MORC3: variants seen among roughly 807,000 people sequenced by gnomAD.
MORC3 encodes the protein MORC family CW-type zinc finger 3.
In MORC3, 31 loss-of-function variants were observed where a neutral mutation model predicts 109.1. That is an observed-to-expected ratio of 0.28 (90% CI 0.21 to 0.38). The LOEUF is 0.38. Ranked by LOEUF, MORC3 falls within the 10% of genes least tolerant of loss-of-function variation. MORC3 has a pLI of 1.00. For synonymous variants in MORC3, 395 were observed against 380.7 expected (o/e 1.04, Z -0.44); for missense variants, 867 against 1,135.8 (o/e 0.76, Z 3.40).
chr21:36,322,679 T>A (rs1347574930), intron 1 of MORC3, among the ~76,000 whole-genome samples: 1 of 152,204 alleles, frequency 6.6e-6, no homozygotes, highest in African/African-American at 2.4e-5. Flanking sequence ...GCCCAATGTA[T>A]ACACATTTTA....
At chr21:36,345,565 G>A (rs1026861831) in intron 8 of MORC3, among the ~76,000 whole-genome samples, 8 of 152,082 alleles carry the variant, frequency 5.3e-5, no homozygotes, top group Admixed American at 5.2e-4. Context: ...GGGACTACAG[G>A]CACGTGCCGC....
At chr21:36,335,054 A>T (rs2085359850) in intron 2 of MORC3, among the ~76,000 whole-genome samples, 2 of 152,240 alleles carry the variant, frequency 1.3e-5, no homozygotes, top group South Asian at 4.1e-4. Flanking sequence ...CACTCGAGCC[A>T]GGGAAGTCAA....
intron 4 of MORC3, 132 bp downstream of exon 4, chr21:36,338,078 G>T: frequency 1.1e-6 from 1 of 871,540 alleles, no homozygotes; most frequent in East Asian, 2.7e-5. Context: ...TCTGTCCTCT[G>T]CATTTACCCT....
At chr21:36,343,314 C>T (rs1245829172) in intron 6 of MORC3, among the ~76,000 whole-genome samples, 11 of 152,008 alleles carry the variant, frequency 7.2e-5, no homozygotes, top group African/African-American at 2.4e-4. Flanking sequence ...AGACTGGTCT[C>T]GAACTCCCGA....
At chr21:36,322,534 G>C (rs1348794451) in intron 1 of MORC3, among the ~76,000 whole-genome samples, 1 of 152,040 alleles carries the variant, frequency 6.6e-6, no homozygotes, top group Non-Finnish European at 1.5e-5. Flanking sequence ...ACCACACCCG[G>C]CTAATTTTGG....
chr21:36,344,551 ACTAACTTCTT>A lies in MORC3; in HGVS notation c.757-27_757-18del. On this transcript the variant is annotated intron_variant, in intron 6 of 16. Transcript: ENST00000400485. ...AGTAATGGTGAGCAAACCTGTAGATACTAACTTCTTGTTATGTTATTTTCCAGGCTTATTG... is the reference window on the plus strand; with the variant it reads ...AGTAATGGTGAGCAAACCTGTAGATAGTTATGTTATTTTCCAGGCTTATTG... 6.2e-7 allele frequency: 1 copy of A among 1,607,538 alleles called. No homozygotes were observed. The highest frequency in any genetic ancestry group is 1.3e-5 in the African/African-American group (1 of 74,870).
At position 36,362,198 on chromosome 21, in the gene MORC3, C is replaced by T; in HGVS notation, c.1422C>T (p.Phe474=). The part of the protein sequence containing the change: ...KTYKKTNKEK[F]RIRQPEMIPR... ...TATTTTAAAGCAACAAGGAAAAATT[C>T]AGGATCAGACAACCGGAAATGATCC... Residue 474 remains phenylalanine (F), a synonymous_variant, in exon 13 of 17, where the codon TTC becomes TTT. Coordinates refer to ENST00000400485, the MANE Select transcript of MORC3 (RefSeq NM_015358.3). 4 of 1,610,252 alleles carry T rather than the reference C, an allele frequency of 2.5e-6. No individual in the cohort carries two copies. Among genetic ancestry groups the T allele is most frequent in the Non-Finnish European group, 3.4e-6 (4 of 1,178,736 alleles).
At chr21:36,357,556 T>G (rs2085658565) in intron 10 of MORC3, among the ~76,000 whole-genome samples, 2 of 151,218 alleles carry the variant, frequency 1.3e-5, no homozygotes, top group South Asian at 4.2e-4. Context: ...AGCTTGTATT[T>G]TTTTAATGTG....
intron 6 of MORC3, among the ~76,000 whole-genome samples, chr21:36,343,032 TAAAA>T (rs1277748715): frequency 6.6e-6 from 1 of 150,858 alleles, no homozygotes; most frequent in African/African-American, 2.4e-5. Flanking sequence ...AAAATAAAAA[TAAAA>T]AAAAGATTGG....
chr21:36,374,390 G>A (rs566952918), intron 16 of MORC3, among the ~76,000 whole-genome samples: 2 of 151,750 alleles, frequency 1.3e-5, no homozygotes, highest in Admixed American at 1.3e-4. Flanking sequence ...TGTGCCCGGC[G>A]TAAAAAAAAA....
intron 12 of MORC3, 147 bp downstream of exon 12, chr21:36,360,405 A>C: frequency 1.3e-6 from 1 of 744,846 alleles, no homozygotes; most frequent in Non-Finnish European, 2.2e-6. Flanking sequence ...AAGGGCTTTA[A>C]AAACAAAAAC....
intron 10 of MORC3, among the ~76,000 whole-genome samples, chr21:36,357,874 G>A (rs1220383500): frequency 6.6e-6 from 1 of 151,480 alleles, no homozygotes; most frequent in African/African-American, 2.4e-5. Flanking sequence ...CCGAGGAGCT[G>A]GGACTACAGG....
At position 36,320,254 on chromosome 21, in the gene MORC3, G is replaced by A; in HGVS notation, c.-11G>A. ...GGCGGAGGCCGTTCCTGGCTTTGTA[G>A]CTCGCTCAAGATGGCGGCGCAGCCA... On this transcript the variant is annotated 5_prime_UTR_variant, in exon 1 of 17. Transcript: ENST00000400485. 1.9e-6 allele frequency: 3 copies of A among 1,581,074 alleles called. No individual in the cohort carries two copies. Among genetic ancestry groups the A allele is most frequent in the Non-Finnish European group, 2.6e-6 (3 of 1,165,076 alleles).
rs573760373 is a variant in MORC3, at chr21:36,370,278, G to A, written c.2508+402G>A. On this transcript the variant is annotated intron_variant, in intron 15 of 16. Coordinates refer to ENST00000400485, the MANE Select transcript of MORC3 (RefSeq NM_015358.3). ...ATAATTCTGTTCTTATTGAGTGTCT[G>A]TTATTCTACTGGTTCTCAACTGAGG... Among the ~76,000 whole-genome samples the A allele has an allele frequency of 1.8e-4, 27 of 152,236 alleles. No individual in the cohort carries two copies. In the East Asian group the frequency reaches 5.2e-3, roughly 29 times the overall value.
At chr21:36,328,685 G>C (rs796822567) in intron 1 of MORC3, among the ~76,000 whole-genome samples, 1 of 151,698 alleles carries the variant, frequency 6.6e-6, no homozygotes, top group Non-Finnish European at 1.5e-5. Context: ...CCATGTCAAC[G>C]AGGCTGGTCT....
rs911105444 is a variant in MORC3, at chr21:36,376,026, T to C, written c.*730T>C. The C allele has an allele frequency of 6.6e-6, 1 of 152,364 alleles. No homozygotes were observed. The highest frequency in any genetic ancestry group is 3.4e-3 in the Middle Eastern group (1 of 294). The allele number at this position is 152,364 out of a possible 1,614,324, so 9.4% of individuals were successfully genotyped here. On this transcript the variant is annotated 3_prime_UTR_variant, in exon 17 of 17. Coordinates refer to ENST00000400485, the MANE Select transcript of MORC3 (RefSeq NM_015358.3). ...TTGAAGCCCATTTTTGGCTGTTTAG[T>C]CAGCATGAAGTGGGCATGATAATTT...
intron 16 of MORC3, among the ~76,000 whole-genome samples, chr21:36,374,824 C>T (rs1376738219): frequency 6.6e-6 from 1 of 152,034 alleles, no homozygotes; most frequent in African/African-American, 2.4e-5. Context: ...GGTGTCGTCA[C>T]CAAGCCCGGC....
intron 1 of MORC3, among the ~76,000 whole-genome samples, chr21:36,326,448 C>A (rs536353969): frequency 1.3e-5 from 2 of 151,378 alleles, no homozygotes; most frequent in Admixed American, 1.3e-4. Flanking sequence ...ATCGCTTGAA[C>A]CTGAAGGTGA....
At chr21:36,330,087 G>C (rs2085297699) in intron 1 of MORC3, among the ~76,000 whole-genome samples, 1 of 152,008 alleles carries the variant, frequency 6.6e-6, no homozygotes, top group African/African-American at 2.4e-5. Flanking sequence ...GTCTCAAACT[G>C]CTGACCTTGG....
Sources: gnomAD v4.1 joint callset for allele counts (sites outside exome capture counted in the v4.1 genomes callset) on GRCh38, gnomAD v4.1.1 for gene constraint, MANE v1.5 for transcripts, NCBI Gene and HGNC (gene_info 2026-07-23, HGNC 2026-07-21) for gene names.